The following CPQ variants were observed in gnomAD, a reference collection of about 807,000 sequenced individuals.
CPQ encodes the protein carboxypeptidase Q.
CPQ carries 37 observed loss-of-function variants against 45.7 expected under a neutral mutation model. The observed-to-expected ratio is 0.81, with a 90% CI of 0.62 to 1.07. CPQ has a LOEUF of 1.07. Ranked by LOEUF, CPQ falls within the 50% of genes least tolerant of loss-of-function variation. The pLI, the probability that CPQ is intolerant of heterozygous loss-of-function variation, is 0.00. For missense variants in CPQ, 537 were observed against 572.9 expected, an observed-to-expected ratio of 0.94 and a Z score of 0.64; for synonymous variants, 186 against 205.8, an observed-to-expected ratio of 0.90 and a Z score of 0.82.
chr8:96,737,250 C>CAA (rs1369750627), intron 1 of CPQ, among the ~76,000 whole-genome samples: 16 of 137,248 alleles, frequency 1.2e-4, no homozygotes, highest in East Asian at 4.3e-4. Flanking sequence ...CACACACACA[C>CAA]ACACAAAAAA....
intron 4 of CPQ, among the ~76,000 whole-genome samples, chr8:96,949,729 A>G (rs765297014): frequency 1.3e-5 from 2 of 151,996 alleles, no homozygotes; most frequent in African/African-American, 2.4e-5. Context: ...TTTACAGTTA[A>G]CCTGGCTTAG....
rs577703445 is a variant in CPQ at position 96,961,831 on chromosome 8, C to A, written c.850-4104C>A. The stretch of plus-strand genomic sequence containing the variant: ...GAGAGGGTGAAATGTTCTTCAGTAT[C>A]TTGCATTAGCTCATTTTCCTAAGAA... On this transcript the variant is annotated intron_variant, in intron 4 of 7. Coordinates refer to ENST00000220763, the MANE Select transcript of CPQ (RefSeq NM_016134.4). Among the ~76,000 whole-genome samples the A allele has an allele frequency of 5.3e-5, 8 of 152,294 alleles. No homozygotes were observed. In the East Asian group the frequency reaches 1.5e-3, roughly 29 times the overall value.
chr8:97,071,914 G>C lies in CPQ; in HGVS notation c.1255+5704G>C, dbSNP rs762417643. ...CAGCATGTAGACTTTTGTCAGGCCT[G>C]TCTCTTTGTGGTCCCAGGATGGCTG... On this transcript the variant is annotated intron_variant, in intron 7 of 7. Coordinates refer to ENST00000220763, the MANE Select transcript of CPQ (RefSeq NM_016134.4). 4.3e-4 allele frequency among the ~76,000 whole-genome samples: 65 copies of C among 152,246 alleles called. 4 individuals carry two copies. The highest frequency in any genetic ancestry group is 3.4e-4 in the Non-Finnish European group (23 of 68,024).
chr8:97,018,501 G>A (rs1403010889), intron 5 of CPQ, among the ~76,000 whole-genome samples: 1 of 152,102 alleles, frequency 6.6e-6, no homozygotes, highest in African/African-American at 2.4e-5. Flanking sequence ...GATACAAGAA[G>A]TGAAGGGAGA....
intron 4 of CPQ, among the ~76,000 whole-genome samples, chr8:96,903,980 C>T (rs1256295879): frequency 6.6e-6 from 1 of 152,152 alleles, no homozygotes. Flanking sequence ...GTTGATACTT[C>T]TCAAGACCAA....
At chr8:97,010,350 G>A (rs968489894) in intron 5 of CPQ, among the ~76,000 whole-genome samples, 1 of 152,156 alleles carries the variant, frequency 6.6e-6, no homozygotes, top group African/African-American at 2.4e-5. Context: ...TTCATATCCA[G>A]CCTCTAGCAC....
intron 1 of CPQ, among the ~76,000 whole-genome samples, chr8:96,679,646 GT>G (rs1367647986): frequency 6.6e-6 from 1 of 151,720 alleles, no homozygotes; most frequent in Non-Finnish European, 1.5e-5. Context: ...TTCTTTGTAG[GT>G]TTTATGTGAC....
chr8:96,729,756 G>A (rs1809886436), intron 1 of CPQ, among the ~76,000 whole-genome samples: 1 of 152,104 alleles, frequency 6.6e-6, no homozygotes, highest in South Asian at 2.1e-4. Flanking sequence ...CTGTAGTACT[G>A]CAAATTCAAA....
intron 7 of CPQ, among the ~76,000 whole-genome samples, chr8:97,137,078 T>C (rs945516467): frequency 2.0e-5 from 3 of 151,718 alleles, no homozygotes; most frequent in Admixed American, 6.6e-5. Flanking sequence ...TCACTAGTGA[T>C]TGATAGAACA....
At chr8:96,684,065 T>A (rs1809190316) in intron 1 of CPQ, among the ~76,000 whole-genome samples, 1 of 152,226 alleles carries the variant, frequency 6.6e-6, no homozygotes, top group South Asian at 2.1e-4. Flanking sequence ...GATCTCTTAC[T>A]GGATAATTAT....
At chr8:96,822,622 A>G (rs574879680) in intron 2 of CPQ, among the ~76,000 whole-genome samples, 3 of 151,982 alleles carry the variant, frequency 2.0e-5, no homozygotes, top group South Asian at 4.1e-4. Flanking sequence ...GAGGTCCTGC[A>G]TGATATGGTT....
chr8:96,800,513 A>G (rs1037550389), intron 2 of CPQ, among the ~76,000 whole-genome samples: 4 of 152,148 alleles, frequency 2.6e-5, no homozygotes, highest in African/African-American at 9.7e-5. Context: ...ACAGACCCCT[A>G]AAGGTACATA....
chr8:96,690,328 G>A (rs1809289662), intron 1 of CPQ, among the ~76,000 whole-genome samples: 1 of 152,028 alleles, frequency 6.6e-6, no homozygotes, highest in Non-Finnish European at 1.5e-5. Context: ...TTGTGTGAGA[G>A]GGGCACCCCA....
chr8:96,770,268 G>T (rs1029280066), intron 1 of CPQ, among the ~76,000 whole-genome samples: 1 of 152,160 alleles, frequency 6.6e-6, no homozygotes, highest in East Asian at 1.9e-4. Context: ...CAGAGCTCCT[G>T]GGATTCCCTC....
intron 1 of CPQ, among the ~76,000 whole-genome samples, chr8:96,739,799 C>G (rs1474381134): frequency 6.6e-6 from 1 of 150,712 alleles, no homozygotes; most frequent in African/African-American, 2.4e-5. Flanking sequence ...TCTGAGGGCT[C>G]TGTTCTGTTC....
intron 1 of CPQ, among the ~76,000 whole-genome samples, chr8:96,679,383 T>A (rs1809119550): frequency 6.6e-6 from 1 of 152,116 alleles, no homozygotes; most frequent in African/African-American, 2.4e-5. Flanking sequence ...GTTTTCTTTT[T>A]ATTTTTTAGT....
At chr8:97,077,441 A>G (rs182548385) in intron 7 of CPQ, among the ~76,000 whole-genome samples, 6 of 152,328 alleles carry the variant, frequency 3.9e-5, no homozygotes, top group Admixed American at 2.6e-4. Context: ...TGAAATTACT[A>G]CAGTAGTACA....
chr8:96,807,098 G>A (rs1317687026), intron 2 of CPQ, among the ~76,000 whole-genome samples: 2 of 152,096 alleles, frequency 1.3e-5, no homozygotes, highest in Non-Finnish European at 2.9e-5. Context: ...TTTCTTAAAT[G>A]GGGAAATAAG....
At chr8:96,837,988 G>A (rs764260229) in intron 3 of CPQ, among the ~76,000 whole-genome samples, 45 of 152,150 alleles carry the variant, frequency 3.0e-4, no homozygotes, top group Non-Finnish European at 5.4e-4. Flanking sequence ...CACGCACCAC[G>A]TTTCCTCAAA....
Sources: allele counts gnomAD v4.1 joint callset (sites outside exome capture counted in the v4.1 genomes callset), GRCh38; gene constraint gnomAD v4.1.1; transcripts MANE v1.5; gene names NCBI Gene and HGNC (gene_info 2026-07-23, HGNC 2026-07-21).